NDUFAF4: variants seen among roughly 807,000 people sequenced by gnomAD.
The protein encoded by NDUFAF4 is NADH:ubiquinone oxidoreductase complex assembly factor 4.
NDUFAF4 carries 10 observed loss-of-function variants against 15.6 expected under a neutral mutation model. The observed-to-expected ratio is 0.64, with a 90% CI of 0.40 to 1.09. The LOEUF (loss-of-function observed/expected upper bound fraction) is 1.09, where lower values mean the gene tolerates loss of function less well. NDUFAF4 is among the 50% of genes least tolerant of loss of function. The probability of loss-of-function intolerance (pLI) is 0.01; values close to 1 mark genes in which losing one functional copy is unlikely to be tolerated. For synonymous variants in NDUFAF4, 77 were observed against 73.3 expected (o/e 1.05, Z -0.26); for missense variants, 203 against 207.3 (o/e 0.98, Z 0.13).
At chr6:96,895,105 A>G (rs764868601) in intron 2 of NDUFAF4, among the ~76,000 whole-genome samples, 4 of 152,206 alleles carry the variant, frequency 2.6e-5, no homozygotes, top group Non-Finnish European at 5.9e-5. Context: ...AACAAATTAT[A>G]TTTACACAAC....
rs774627878 is a variant in NDUFAF4, at chr6:96,896,782, C to T, written c.202G>A (p.Val68Met). The T allele has an allele frequency of 2.7e-5, 43 of 1,613,340 alleles. No homozygotes were observed. The highest frequency in any genetic ancestry group is 3.6e-5 in the Non-Finnish European group (43 of 1,179,764). The change falls in exon 2 of 3, where the codon GTG (valine) becomes ATG (methionine). Residue 68 changes from valine (V) to methionine (M), a missense_variant. Coordinates refer to ENST00000316149, the MANE Select transcript of NDUFAF4 (RefSeq NM_014165.4). ...ACAGGATCTTTGGAATCAACATACA[C>T]ATCTTTTAGAAACGACAGCAGCTTT... is the stretch of plus-strand genomic sequence containing the variant. ...DEKLLSFLKD[V>M]YVDSKDPVSS...
chr6:96,890,472 A>G lies in NDUFAF4; in HGVS notation c.*632T>C, dbSNP rs1397268991. 1 of 152,146 alleles carries G rather than the reference A, an allele frequency of 6.6e-6. No individual in the cohort carries two copies. The highest frequency in any genetic ancestry group is 1.5e-5 in the Non-Finnish European group (1 of 68,030). 9.4% of individuals were successfully genotyped at this position (152,146 alleles called of 1,614,324 possible). On this transcript the variant is annotated 3_prime_UTR_variant, in exon 3 of 3. Coordinates refer to ENST00000316149, the MANE Select transcript of NDUFAF4 (RefSeq NM_014165.4). ...AGCAGAAATTCCCAACATTTTGTAAACACCACTAATTACTTTTTATAACTG... is the reference window on the plus strand; with the variant it reads ...AGCAGAAATTCCCAACATTTTGTAAGCACCACTAATTACTTTTTATAACTG...
chr6:96,891,678 G>A (rs1297232477), intron 2 of NDUFAF4, among the ~76,000 whole-genome samples: 7 of 151,538 alleles, frequency 4.6e-5, no homozygotes, highest in East Asian at 2.0e-4. Flanking sequence ...CCCACACCCC[G>A]CTTCTGCTTG....
chr6:96,891,998 T>C (rs1005169682), intron 2 of NDUFAF4, among the ~76,000 whole-genome samples: 3 of 152,138 alleles, frequency 2.0e-5, no homozygotes, highest in Admixed American at 1.3e-4. Flanking sequence ...TGTAGGCATC[T>C]CTAGAAAATA....
At chr6:96,896,920 A>C in intron 1 of NDUFAF4, 73 bp from the exon 2 acceptor site, 3 of 1,066,978 alleles carry the variant, frequency 2.8e-6, no homozygotes, top group African/African-American at 1.6e-5. Flanking sequence ...GCTTAACACA[A>C]ACGCTTTCTT....
In NDUFAF4 at chr6:96,897,704, T is replaced by A. The variant is rs1194596764; in HGVS notation, c.98A>T (p.His33Leu). 1 of 1,614,028 alleles carries A rather than the reference T, an allele frequency of 6.2e-7. No individual in the cohort carries two copies. The highest frequency in any genetic ancestry group is 2.2e-5 in the East Asian group (1 of 44,856). The change falls in exon 1 of 3, where the codon CAC becomes CTC. Residue 33 changes from histidine to leucine, a missense_variant. Physicochemically the swap from His to Leu is moderately conservative, Grantham distance 99. Coordinates refer to ENST00000316149, the MANE Select transcript of NDUFAF4 (RefSeq NM_014165.4). The part of the protein sequence containing the change: ...SKMKPSVAPR[H>L]PSTNSLLREQ... Reference sequence around the variant, plus strand: ...TCGCAGGAGGCTGTTGGTAGAGGGGTGTCTGGGAGCGACAGAGGGCTTCAT... The same window carrying A: ...TCGCAGGAGGCTGTTGGTAGAGGGGAGTCTGGGAGCGACAGAGGGCTTCAT...
chr6:96,895,778 A>G (rs1775363229), intron 2 of NDUFAF4, among the ~76,000 whole-genome samples: 1 of 152,188 alleles, frequency 6.6e-6, no homozygotes, highest in Admixed American at 6.5e-5. Flanking sequence ...CGATTAACAA[A>G]TCTTGTTTTA....
At chr6:96,896,696 C>G (rs1775378406) in intron 2 of NDUFAF4, 48 bp downstream of exon 2, 1 of 1,416,216 alleles carries the variant, frequency 7.1e-7, no homozygotes, top group Non-Finnish European at 1.0e-6. Context: ...TTTCCTGAAG[C>G]CCCAAAATAA....
rs780496036 is a variant in NDUFAF4 at position 96,897,623 on chromosome 6, G to C, written c.136+43C>G. 11 of 1,611,214 alleles carry C rather than the reference G, an allele frequency of 6.8e-6. No homozygotes were observed. The Admixed American group carries it at 1.0e-4, about 15-fold the overall frequency. ...GCTAGGGACAGCCGGGCAGCACAGG[G>C]ACTCCGCGCCCCCGGGCCCCGAAAC... On this transcript the variant is annotated intron_variant, in intron 1 of 2. Coordinates refer to ENST00000316149, the MANE Select transcript of NDUFAF4 (RefSeq NM_014165.4).
At chr6:96,892,713 T>G (rs1252796652) in intron 2 of NDUFAF4, among the ~76,000 whole-genome samples, 1 of 152,108 alleles carries the variant, frequency 6.6e-6, no homozygotes, top group Non-Finnish European at 1.5e-5. Flanking sequence ...CAGTTTTCCA[T>G]CGGTTTTTTC....
rs1333624635 is a variant in NDUFAF4, at chr6:96,896,687, T to G, written c.240+57A>C. On this transcript the variant is annotated intron_variant, in intron 2 of 2. Coordinates refer to ENST00000316149, the MANE Select transcript of NDUFAF4 (RefSeq NM_014165.4). ...TTACTACTTGCCACACTTAATCATTTTCCTGAAGCCCCAAAATAAGTAAAT... is the reference window on the plus strand; with the variant it reads ...TTACTACTTGCCACACTTAATCATTGTCCTGAAGCCCCAAAATAAGTAAAT... The G allele has an allele frequency of 1.4e-5, 19 of 1,375,868 alleles. No homozygotes were observed. The Admixed American group carries it at 2.8e-4, about 21-fold the overall frequency. 85.2% of individuals were successfully genotyped at this position (1,375,868 alleles called of 1,614,324 possible).
intron 1 of NDUFAF4, 123 bp downstream of exon 1, chr6:96,897,543 C>A: frequency 7.0e-7 from 1 of 1,432,228 alleles, no homozygotes; most frequent in East Asian, 2.5e-5. Context: ...GCTCCGCCAA[C>A]CCGAGCGGCT....
intron 1 of NDUFAF4, 97 bp from the exon 2 acceptor site, chr6:96,896,944 TGAGTCG>T: frequency 1.1e-6 from 1 of 935,480 alleles, no homozygotes; most frequent in Non-Finnish European, 1.7e-6. Context: ...TTTTCTTTTT[TGAGTCG>T]GAGTCTCGCT....
At chr6:96,894,528 T>C (rs1319873855) in intron 2 of NDUFAF4, among the ~76,000 whole-genome samples, 10 of 152,166 alleles carry the variant, frequency 6.6e-5, no homozygotes, top group Admixed American at 5.9e-4. Flanking sequence ...AACCCTGAAA[T>C]TGTTGTAACT....
At chr6:96,894,459 A>C (rs1775347611) in intron 2 of NDUFAF4, among the ~76,000 whole-genome samples, 1 of 152,238 alleles carries the variant, frequency 6.6e-6, no homozygotes, top group South Asian at 2.1e-4. Context: ...TATTGACTTA[A>C]TGAGGAAAAA....
chr6:96,897,599 C>CT, intron 1 of NDUFAF4, 67 bp downstream of exon 1: 1 of 1,606,026 alleles, frequency 6.2e-7, no homozygotes, highest in East Asian at 2.2e-5. Flanking sequence ...CGGACCCACG[C>CT]TAGGGACAGC....
In NDUFAF4 at chr6:96,891,495, G is replaced by A. The variant is rs1775316012; in HGVS notation, c.241-104C>T. On this transcript the variant is annotated intron_variant, in intron 2 of 2. Coordinates refer to ENST00000316149, the MANE Select transcript of NDUFAF4 (RefSeq NM_014165.4). Reference sequence around the variant, plus strand: ...TCCTCTTCAAATAACAACTAATATGGTTTGGATCTGTGTCCCCACCCAAAT... The same window carrying A: ...TCCTCTTCAAATAACAACTAATATGATTTGGATCTGTGTCCCCACCCAAAT... 4 of 1,205,084 alleles carry A rather than the reference G, an allele frequency of 3.3e-6. No homozygotes were observed. The Admixed American group carries it at 8.3e-5, about 25-fold the overall frequency. 74.6% of individuals were successfully genotyped at this position (1,205,084 alleles called of 1,614,324 possible).
In NDUFAF4 at chr6:96,890,635, T is replaced by TA. The variant is rs1775302998; in HGVS notation, c.*468dup. ...TGTGCCTTTATTTGGGAACTACTGTTAGTCTACCCTGCTATCGAGTCTCTT... is the reference window on the plus strand; with the variant it reads ...TGTGCCTTTATTTGGGAACTACTGTTAAGTCTACCCTGCTATCGAGTCTCTT... On this transcript the variant is annotated 3_prime_UTR_variant, in exon 3 of 3. Coordinates refer to ENST00000316149, the MANE Select transcript of NDUFAF4 (RefSeq NM_014165.4). The TA allele has an allele frequency of 6.5e-6, 1 of 154,938 alleles. No individual in the cohort carries two copies. The highest frequency in any genetic ancestry group is 1.4e-5 in the Non-Finnish European group (1 of 70,014). 9.6% of individuals were successfully genotyped at this position (154,938 alleles called of 1,614,324 possible).
chr6:96,894,552 A>C (rs748470215), intron 2 of NDUFAF4, among the ~76,000 whole-genome samples: 6 of 152,208 alleles, frequency 3.9e-5, no homozygotes, highest in Non-Finnish European at 8.8e-5. Context: ...CCATTTTATT[A>C]GTTGTTAATT....
Sources: allele counts gnomAD v4.1 joint callset (sites outside exome capture counted in the v4.1 genomes callset), GRCh38; gene constraint gnomAD v4.1.1; transcripts MANE v1.5; gene names NCBI Gene and HGNC (gene_info 2026-07-23, HGNC 2026-07-21).